Variants in HIPK2 observed in about 807,000 individuals in gnomAD.
The protein encoded by HIPK2 is homeodomain-interacting protein kinase 2.
In HIPK2, 27 loss-of-function variants were observed where a neutral mutation model predicts 113.7. That is an observed-to-expected ratio of 0.24 (90% CI 0.17 to 0.33). The LOEUF (loss-of-function observed/expected upper bound fraction) is 0.33. Ranked by LOEUF, HIPK2 falls within the 10% of genes least tolerant of loss-of-function variation. The probability of loss-of-function intolerance (pLI) is 1.00; values close to 1 mark genes in which losing one functional copy is unlikely to be tolerated. For missense variants in HIPK2, 1,257 were observed against 1,588.0 expected (o/e 0.79, Z 3.54); for synonymous variants, 631 against 642.2 (o/e 0.98, Z 0.26).
chr7:139,654,210 C>G lies in HIPK2; in HGVS notation c.1104-22485G>C, dbSNP rs1801575918. 2.0e-5 allele frequency among the ~76,000 whole-genome samples: 3 copies of G among 152,140 alleles called. No homozygotes were observed. The South Asian group carries it at 6.2e-4, about 32-fold the overall frequency. On this transcript the variant is annotated intron_variant, in intron 2 of 14. Coordinates refer to ENST00000406875, the MANE Select transcript of HIPK2 (RefSeq NM_022740.5). ...CTATACAAGTGAGGCTCTTAAACAT[C>G]ATTAAAAACACATATTTGAGGTTAG... is the stretch of plus-strand genomic sequence containing the variant.
intron 1 of HIPK2, among the ~76,000 whole-genome samples, chr7:139,730,165 A>G (rs1328519509): frequency 6.6e-6 from 1 of 152,206 alleles, no homozygotes; most frequent in African/African-American, 2.4e-5. Context: ...AATGTCTGGT[A>G]CTATGTTGGT....
At chr7:139,592,461 G>A (rs1291396875) in intron 12 of HIPK2, among the ~76,000 whole-genome samples, 1 of 152,204 alleles carries the variant, frequency 6.6e-6, no homozygotes, top group Non-Finnish European at 1.5e-5. Flanking sequence ...TCTCGGCCAG[G>A]CATGGAGGCT....
At chr7:139,773,946 T>G (rs550290035) in intron 1 of HIPK2, among the ~76,000 whole-genome samples, 2 of 152,306 alleles carry the variant, frequency 1.3e-5, no homozygotes, top group East Asian at 3.9e-4. Flanking sequence ...TCCACATTTT[T>G]CAAGTAGCAC....
At chr7:139,650,049 T>C (rs1213778295) in intron 2 of HIPK2, among the ~76,000 whole-genome samples, 1 of 152,076 alleles carries the variant, frequency 6.6e-6, no homozygotes, top group East Asian at 1.9e-4. Flanking sequence ...TAAGATGGGA[T>C]ATAAAAATAG....
intron 2 of HIPK2, among the ~76,000 whole-genome samples, chr7:139,640,651 ATTTT>A (rs927137530): frequency 3.3e-5 from 5 of 149,780 alleles, no homozygotes; most frequent in Non-Finnish European, 7.4e-5. Flanking sequence ...CCTCTTCCTT[ATTTT>A]TTTTTTCTTT....
chr7:139,729,909 T>C (rs1027824335), intron 1 of HIPK2, among the ~76,000 whole-genome samples: 1 of 152,202 alleles, frequency 6.6e-6, no homozygotes, highest in Non-Finnish European at 1.5e-5. Flanking sequence ...TTTCAGCCAC[T>C]TCCTAACATG....
chr7:139,579,923 C>T (rs1302631474), intron 13 of HIPK2, among the ~76,000 whole-genome samples: 1 of 152,280 alleles, frequency 6.6e-6, no homozygotes, highest in East Asian at 1.9e-4. Flanking sequence ...GCCTCCTGGC[C>T]CTGGCTGAAC....
At chr7:139,757,245 G>T (rs1237950196) in intron 1 of HIPK2, among the ~76,000 whole-genome samples, 1 of 152,078 alleles carries the variant, frequency 6.6e-6, no homozygotes, top group Admixed American at 6.5e-5. Flanking sequence ...TTTCCCGGAG[G>T]AAAAACTCAC....
chr7:139,641,451 T>C (rs1240406136), intron 2 of HIPK2, among the ~76,000 whole-genome samples: 2 of 151,798 alleles, frequency 1.3e-5, no homozygotes, highest in African/African-American at 4.8e-5. Context: ...TACCGTAACC[T>C]AGTGTTCCTT....
At chr7:139,698,589 G>A (rs1363186105) in intron 2 of HIPK2, among the ~76,000 whole-genome samples, 14 of 152,178 alleles carry the variant, frequency 9.2e-5, no homozygotes, top group Admixed American at 2.6e-4. Context: ...ATGTAAGAGC[G>A]TTCCTGAAAA....
chr7:139,574,830 G>A (rs1798433212), intron 14 of HIPK2, among the ~76,000 whole-genome samples: 1 of 152,264 alleles, frequency 6.6e-6, no homozygotes, highest in African/African-American at 2.4e-5. Flanking sequence ...GGTTGAAACA[G>A]CAGTATGTGG....
chr7:139,654,552 CA>C (rs1300789076), intron 2 of HIPK2, among the ~76,000 whole-genome samples: 1 of 152,018 alleles, frequency 6.6e-6, no homozygotes, highest in Non-Finnish European at 1.5e-5. Context: ...AACCCCAAAG[CA>C]AAAAACACAT....
chr7:139,573,408 G>A lies in HIPK2; in HGVS notation c.3127-11C>T, dbSNP rs1798378391. 3 of 1,600,314 alleles carry A rather than the reference G, an allele frequency of 1.9e-6. No homozygotes were observed. The highest frequency in any genetic ancestry group is 2.5e-6 in the Non-Finnish European group (3 of 1,179,458). On this transcript the variant is annotated splice_polypyrimidine_tract_variant and intron_variant, in intron 14 of 14. Coordinates refer to ENST00000406875, the MANE Select transcript of HIPK2 (RefSeq NM_022740.5). The stretch of plus-strand genomic sequence containing the variant: ...GATGTGCTGCTGAGCCTGGGGAGGA[G>A]AGGCACCAAGAGAGACGTCAGGGGC...
intron 2 of HIPK2, among the ~76,000 whole-genome samples, chr7:139,675,492 A>C (rs1340518729): frequency 1.3e-5 from 2 of 152,080 alleles, no homozygotes; most frequent in Non-Finnish European, 2.9e-5. Flanking sequence ...CTTATTTCTC[A>C]CATGCGGACT....
chr7:139,726,760 G>A (rs367752934), intron 1 of HIPK2, among the ~76,000 whole-genome samples: 9 of 152,194 alleles, frequency 5.9e-5, no homozygotes, highest in Non-Finnish European at 1.2e-4. Context: ...ACTGGAAGGG[G>A]AAGAGAGCAA....
intron 1 of HIPK2, among the ~76,000 whole-genome samples, chr7:139,765,559 C>T (rs1291216731): frequency 6.6e-6 from 1 of 152,202 alleles, no homozygotes; most frequent in African/African-American, 2.4e-5. Context: ...CACTTGGCAC[C>T]TAGGAGAGTC....
At chr7:139,616,661 G>A (rs545473257) in intron 7 of HIPK2, among the ~76,000 whole-genome samples, 1 of 152,322 alleles carries the variant, frequency 6.6e-6, no homozygotes, top group East Asian at 1.9e-4. Flanking sequence ...GAAATGAATT[G>A]CTCCTTCCTT....
At chr7:139,756,112 C>T (rs561062144) in intron 1 of HIPK2, among the ~76,000 whole-genome samples, 20 of 152,204 alleles carry the variant, frequency 1.3e-4, no homozygotes, top group Admixed American at 2.0e-4. Flanking sequence ...AACCCAAACA[C>T]GTCTAATAAT....
At position 139,595,078 on chromosome 7, in the gene HIPK2, T is replaced by C. The variant is rs185352292; in HGVS notation, c.2717+1639A>G. Reference sequence around the variant, plus strand: ...TCAGACACGCTATTCAATTCTCTCCTGGGCACAGATGTTGAGAGTCTGTGT... The same window carrying C: ...TCAGACACGCTATTCAATTCTCTCCCGGGCACAGATGTTGAGAGTCTGTGT... On this transcript the variant is annotated intron_variant, in intron 12 of 14. Coordinates refer to ENST00000406875, the MANE Select transcript of HIPK2 (RefSeq NM_022740.5). Among the ~76,000 whole-genome samples the C allele has an allele frequency of 3.7e-3, 570 of 152,344 alleles. 2 individuals are homozygous for C. Among genetic ancestry groups the C allele is most frequent in the Non-Finnish European group, 6.1e-3 (413 of 68,026 alleles).
Sources: allele counts gnomAD v4.1 joint callset (sites outside exome capture counted in the v4.1 genomes callset), GRCh38; gene constraint gnomAD v4.1.1; transcripts MANE v1.5; gene names NCBI Gene and HGNC (gene_info 2026-07-23, HGNC 2026-07-21).